The following METTL15 variants were observed in gnomAD, a reference collection of about 807,000 sequenced individuals.
The protein encoded by METTL15 is 12S rRNA N(4)-cytidine methyltransferase METTL15.
In METTL15, 34 loss-of-function variants were observed where a neutral mutation model predicts 38.3. The observed-to-expected ratio is 0.89, with a 90% CI of 0.68 to 1.18. The LOEUF (loss-of-function observed/expected upper bound fraction) is 1.18. METTL15 is among the 50% of genes most tolerant of loss of function. METTL15 has a pLI of 0.00. For missense variants in METTL15, 438 were observed against 498.4 expected (o/e 0.88, Z 1.15); for synonymous variants, 162 against 170.9 (o/e 0.95, Z 0.41).
intron 3 of METTL15, among the ~76,000 whole-genome samples, chr11:28,343,109 A>C (rs1257784030): frequency 2.0e-5 from 3 of 152,070 alleles, no homozygotes; most frequent in Non-Finnish European, 4.4e-5. Context: ...AACCCCTTTG[A>C]TGATGAAGAA....
chr11:28,335,213 T>A (rs929080764), downstream of METTL15, among the ~76,000 whole-genome samples: 2 of 152,160 alleles, frequency 1.3e-5, no homozygotes, highest in East Asian at 3.9e-4. Flanking sequence ...GGATTCCTCA[T>A]AATTTCACAA....
intron 6 of METTL15, among the ~76,000 whole-genome samples, chr11:28,509,101 T>C (rs1016937806): frequency 2.6e-5 from 4 of 152,204 alleles, no homozygotes; most frequent in African/African-American, 4.8e-5. Flanking sequence ...TGGCACAGGT[T>C]TGCAATTTCT....
intron 6 of METTL15, among the ~76,000 whole-genome samples, chr11:28,321,565 T>C (rs1251675918): frequency 6.6e-6 from 1 of 152,188 alleles, no homozygotes; most frequent in Non-Finnish European, 1.5e-5. Context: ...CTATGTTTCC[T>C]GGATGCATTG....
intron 4 of METTL15, among the ~76,000 whole-genome samples, chr11:28,278,539 G>T (rs112477709): frequency 0.015 from 2,215 of 152,128 alleles, 32 homozygotes; most frequent in South Asian, 0.057. Flanking sequence ...TATCTCCTGA[G>T]GGTCTTGGCG....
chr11:28,296,999 G>C (rs1221440017), intron 6 of METTL15, 68 bp downstream of exon 6: 6 of 1,506,918 alleles, frequency 4.0e-6, no homozygotes, highest in Non-Finnish European at 5.5e-6. Flanking sequence ...ATGTGTTTGT[G>C]TGCATGCACG....
intron 3 of METTL15, among the ~76,000 whole-genome samples, chr11:28,120,342 A>T (rs1852173550): frequency 6.6e-6 from 1 of 151,624 alleles, no homozygotes; most frequent in Admixed American, 6.6e-5. Context: ...ATTTTTTAAA[A>T]TACAGGTTTC....
chr11:28,464,785 A>G (rs2133458276), intron 6 of METTL15, among the ~76,000 whole-genome samples: 1 of 152,330 alleles, frequency 6.6e-6, no homozygotes, highest in African/African-American at 2.4e-5. Flanking sequence ...GGCTCAGATC[A>G]CCAATGAGAA....
intron 3 of METTL15, among the ~76,000 whole-genome samples, chr11:28,128,209 T>G (rs1418486017): frequency 6.6e-6 from 1 of 152,076 alleles, no homozygotes; most frequent in African/African-American, 2.4e-5. Flanking sequence ...TAATGGTGTT[T>G]TATAGGTTGG....
chr11:28,158,071 C>T (rs912370193), intron 3 of METTL15, among the ~76,000 whole-genome samples: 4 of 152,212 alleles, frequency 2.6e-5, no homozygotes, highest in Non-Finnish European at 5.9e-5. Context: ...TTCAGATTCA[C>T]GGGCTGTAGC....
At chr11:28,273,797 A>T (rs1236371148) in intron 4 of METTL15, among the ~76,000 whole-genome samples, 2 of 152,082 alleles carry the variant, frequency 1.3e-5, no homozygotes, top group African/African-American at 4.8e-5. Context: ...ATATTTTATT[A>T]GTATAGGAAG....
chr11:28,387,575 C>G (rs761332310), intron 5 of METTL15, among the ~76,000 whole-genome samples: 10 of 151,724 alleles, frequency 6.6e-5, no homozygotes, highest in Non-Finnish European at 1.5e-4. Flanking sequence ...AAAGAAAAGC[C>G]CAGGACAAGA....
At chr11:28,321,089 C>T (rs1469822460) in intron 6 of METTL15, among the ~76,000 whole-genome samples, 1 of 152,150 alleles carries the variant, frequency 6.6e-6, no homozygotes, top group African/African-American at 2.4e-5. Flanking sequence ...ATAAGCTTGG[C>T]AGAACCTTTA....
intron 3 of METTL15, among the ~76,000 whole-genome samples, chr11:28,205,585 A>C (rs1852299805): frequency 6.6e-6 from 1 of 152,050 alleles, no homozygotes; most frequent in South Asian, 2.1e-4. Flanking sequence ...ATGTGTCTTT[A>C]TAGCAGCATG....
At chr11:28,518,323 A>G (rs1452720580) in intron 6 of METTL15, among the ~76,000 whole-genome samples, 1 of 152,176 alleles carries the variant, frequency 6.6e-6, no homozygotes, top group Non-Finnish European at 1.5e-5. Flanking sequence ...GTCCATGAAT[A>G]TTTATGGAGC....
chr11:28,286,335 CATAAG>C (rs1286972306), intron 4 of METTL15, among the ~76,000 whole-genome samples: 1 of 152,112 alleles, frequency 6.6e-6, no homozygotes, highest in Non-Finnish European at 1.5e-5. Context: ...CATAGCAACA[CATAAG>C]TTAGGGTTTG....
intron 6 of METTL15, among the ~76,000 whole-genome samples, chr11:28,317,831 G>A (rs1857533872): frequency 6.6e-6 from 1 of 152,178 alleles, no homozygotes; most frequent in Non-Finnish European, 1.5e-5. Flanking sequence ...AGGATTCACT[G>A]ATAGAGTTTC....
At chr11:28,508,672 C>T (rs1590398628) in intron 6 of METTL15, among the ~76,000 whole-genome samples, 1 of 152,310 alleles carries the variant, frequency 6.6e-6, no homozygotes, top group East Asian at 1.9e-4. Flanking sequence ...AACTAATAGG[C>T]TCTCTCTTAA....
intron 6 of METTL15, among the ~76,000 whole-genome samples, chr11:28,501,970 G>A (rs984614781): frequency 1.3e-5 from 2 of 151,890 alleles, no homozygotes; most frequent in African/African-American, 2.4e-5. Context: ...GCGTGGTGGC[G>A]GGCGCCTGTA....
chr11:28,223,697 C>A (rs1446435176), intron 4 of METTL15, among the ~76,000 whole-genome samples: 9 of 152,068 alleles, frequency 5.9e-5, no homozygotes, highest in Non-Finnish European at 1.5e-5. Flanking sequence ...GAAAACTGAG[C>A]AATTCATGGG....
Sources: allele counts gnomAD v4.1 joint callset (sites outside exome capture counted in the v4.1 genomes callset), GRCh38; gene constraint gnomAD v4.1.1; transcripts MANE v1.5; gene names NCBI Gene and HGNC (gene_info 2026-07-23, HGNC 2026-07-21).